The following UBAC2 variants were observed in gnomAD, a reference collection of about 807,000 sequenced individuals.
The protein encoded by UBAC2 is UBA domain containing 2, also known as ubiquitin-associated domain-containing protein 2.
A neutral mutation model predicts 44.0 loss-of-function variants in UBAC2; 26 were observed. The ratio of observed to expected loss-of-function variants is 0.59; its 90% CI spans 0.43 to 0.82. The LOEUF is 0.82. UBAC2 is among the 40% of genes least tolerant of loss of function. The pLI, the probability that UBAC2 is intolerant of heterozygous loss-of-function variation, is 0.00. For missense variants in UBAC2, 329 were observed against 419.4 expected, an observed-to-expected ratio of 0.78 and a Z score of 1.88; for synonymous variants, 155 against 154.3, an observed-to-expected ratio of 1.00 and a Z score of -0.04.
At chr13:99,273,460 T>G in intron 4 of UBAC2, among the ~76,000 whole-genome samples, 1 of 152,128 alleles carries the variant, frequency 6.6e-6, no homozygotes, top group East Asian at 1.9e-4. Flanking sequence ...TCTCAGAAAT[T>G]AGCAGTATTG....
intron 7 of UBAC2, among the ~76,000 whole-genome samples, chr13:99,358,659 GAACT>G (rs1457729047): frequency 6.6e-6 from 1 of 152,180 alleles, no homozygotes; most frequent in Non-Finnish European, 1.5e-5. Context: ...TGTATCTTAG[GAACT>G]AACTCTGGAG....
chr13:99,333,993 G>T (rs1426477563), intron 6 of UBAC2, among the ~76,000 whole-genome samples: 4 of 152,128 alleles, frequency 2.6e-5, no homozygotes. Flanking sequence ...CCGTCACCCA[G>T]GCTGGATGCA....
At chr13:99,286,368 T>TTG (rs1566485579) in intron 4 of UBAC2, among the ~76,000 whole-genome samples, 1 of 152,204 alleles carries the variant, frequency 6.6e-6, no homozygotes, top group Non-Finnish European at 1.5e-5. Flanking sequence ...TCAAAGAACA[T>TTG]TGTGTGTGTG....
At chr13:99,253,901 G>C (rs1253247527) in intron 4 of UBAC2, among the ~76,000 whole-genome samples, 2 of 152,204 alleles carry the variant, frequency 1.3e-5, no homozygotes, top group Non-Finnish European at 2.9e-5. Context: ...TAATTTAGCA[G>C]AGAGGAAGTT....
chr13:99,259,899 G>T (rs1457333271), intron 4 of UBAC2, among the ~76,000 whole-genome samples: 1 of 152,222 alleles, frequency 6.6e-6, no homozygotes, highest in Non-Finnish European at 1.5e-5. Context: ...GGGCATTCTT[G>T]TTTCTGAATT....
At chr13:99,378,263 A>C (rs906674557) in intron 8 of UBAC2, among the ~76,000 whole-genome samples, 5 of 152,248 alleles carry the variant, frequency 3.3e-5, no homozygotes, top group African/African-American at 1.2e-4. Flanking sequence ...TCAGTGGCTC[A>C]TGCCTGTAAT....
chr13:99,269,056 G>A (rs905604743), intron 4 of UBAC2, among the ~76,000 whole-genome samples: 4 of 152,286 alleles, frequency 2.6e-5, no homozygotes, highest in Middle Eastern at 3.4e-3. Context: ...GGCATAAGGA[G>A]TAACTTTGCA....
At chr13:99,361,302 A>G (rs992003442) in intron 7 of UBAC2, among the ~76,000 whole-genome samples, 1 of 152,226 alleles carries the variant, frequency 6.6e-6, no homozygotes, top group Admixed American at 6.5e-5. Flanking sequence ...GACAAAGTAA[A>G]GGAAACATTT....
chr13:99,314,582 A>G lies in UBAC2; in HGVS notation c.513+362A>G, dbSNP rs191656169. On this transcript the variant is annotated intron_variant, in intron 5 of 8. Transcript: ENST00000403766. Reference sequence around the variant, plus strand: ...AGTAGAAAGTAGAAAATCAGTGTCAAAATTAATTTATTGAATACAGTGTCG... The same window carrying G: ...AGTAGAAAGTAGAAAATCAGTGTCAGAATTAATTTATTGAATACAGTGTCG... The G allele has an allele frequency of 1.8e-5, 3 of 163,846 alleles. No individual in the cohort carries two copies. In the Admixed American group the frequency reaches 1.9e-4, roughly 10 times the overall value. 10.1% of individuals were successfully genotyped at this position (163,846 alleles called of 1,614,324 possible). A position where few individuals can be genotyped will look rare whatever the true frequency, so the allele number is the denominator to read the frequency against.
intron 1 of UBAC2, among the ~76,000 whole-genome samples, chr13:99,215,947 T>C (rs1255082937): frequency 6.6e-6 from 1 of 152,236 alleles, no homozygotes; most frequent in Non-Finnish European, 1.5e-5. Context: ...TAAAGGCTAT[T>C]TTCCTATTGT....
chr13:99,242,736 C>G (rs1347492261), intron 2 of UBAC2, among the ~76,000 whole-genome samples: 3 of 148,592 alleles, frequency 2.0e-5, no homozygotes, highest in Admixed American at 6.7e-5. Flanking sequence ...CGGGGCTGAC[C>G]CCCACCTCTC....
chr13:99,232,001 A>G (rs974781035), intron 1 of UBAC2, among the ~76,000 whole-genome samples: 1 of 152,190 alleles, frequency 6.6e-6, no homozygotes, highest in Non-Finnish European at 1.5e-5. Flanking sequence ...GTCTGTGCCT[A>G]TCAGAGCTAT....
chr13:99,347,360 A>G (rs1006245763), intron 7 of UBAC2, among the ~76,000 whole-genome samples: 5 of 124,314 alleles, frequency 4.0e-5, no homozygotes, highest in Non-Finnish European at 6.6e-5. Context: ...AGTGAAGATG[A>G]TACTGGAAGA....
Position 99,244,579 on chromosome 13 carries a change from A to G in UBAC2, c.344A>G (p.Gln115Arg), listed in dbSNP as rs749376030. Reference protein sequence around the residue: ...LFDFLLIEAMQYFFGITAASN... With the variant: ...LFDFLLIEAMRYFFGITAASN... ...GACTTTCTCCTCATTGAAGCTATGC[A>G]GTATTTCTTTGGCATCACTGCAGCT... Residue 115 changes from glutamine (Q) to arginine (R), a missense_variant, in exon 4 of 9, where the codon CAG (glutamine) becomes CGG (arginine). Gln to Arg is a conservative substitution (Grantham distance 43). Transcript: ENST00000403766. 12 of 1,613,316 alleles carry G rather than the reference A, an allele frequency of 7.4e-6. No individual in the cohort carries two copies. In the South Asian group the frequency reaches 7.7e-5, roughly 10 times the overall value.
chr13:99,336,679 G>A (rs191818626), intron 6 of UBAC2, among the ~76,000 whole-genome samples: 3 of 152,224 alleles, frequency 2.0e-5, no homozygotes, highest in Admixed American at 2.0e-4. Flanking sequence ...CACTGTTTTA[G>A]GTAGCCAAAC....
At chr13:99,217,517 CCTTA>C (rs939262320) in intron 1 of UBAC2, among the ~76,000 whole-genome samples, 2 of 152,194 alleles carry the variant, frequency 1.3e-5, no homozygotes, top group South Asian at 2.1e-4. Context: ...GCTCGGGCAG[CCTTA>C]CTTGTCACCC....
At chr13:99,367,213 C>T (rs1465864781) in intron 7 of UBAC2, among the ~76,000 whole-genome samples, 1 of 152,182 alleles carries the variant, frequency 6.6e-6, no homozygotes, top group African/African-American at 2.4e-5. Context: ...TGCTGTTTGT[C>T]AGATTTCCCT....
rs529554748 is a variant in UBAC2, at chr13:99,323,836, G to A, written c.561+5767G>A. 4.6e-5 allele frequency among the ~76,000 whole-genome samples: 7 copies of A among 152,308 alleles called. No homozygotes were observed. In the East Asian group the frequency reaches 9.6e-4, roughly 21 times the overall value. ...TCTTAGGCCATTGTTAACACAGGGA[G>A]GTAGCGACCAGTTGACGTGTGATTT... is the stretch of plus-strand genomic sequence containing the variant. On this transcript the variant is annotated intron_variant, in intron 6 of 8. Coordinates refer to ENST00000403766, the MANE Select transcript of UBAC2 (RefSeq NM_001144072.2).
In UBAC2 at chr13:99,351,046, G is replaced by A. The variant is rs138773615; in HGVS notation, c.807+10481G>A. 9.2e-5 allele frequency among the ~76,000 whole-genome samples: 14 copies of A among 152,170 alleles called. 1 individual carries two copies. The highest frequency in any genetic ancestry group is 7.7e-4 in the East Asian group (4 of 5,198). On this transcript the variant is annotated intron_variant, in intron 7 of 8. Coordinates refer to ENST00000403766, the MANE Select transcript of UBAC2 (RefSeq NM_001144072.2). Reference sequence around the variant, plus strand: ...AGCCATGCTCACAATAGAAAGCAGCGTAATATAATGAAAAGAACAAGAATG... The same window carrying A: ...AGCCATGCTCACAATAGAAAGCAGCATAATATAATGAAAAGAACAAGAATG...
Sources: gnomAD v4.1 joint callset for allele counts (sites outside exome capture counted in the v4.1 genomes callset) on GRCh38, gnomAD v4.1.1 for gene constraint, MANE v1.5 for transcripts, NCBI Gene and HGNC (gene_info 2026-07-23, HGNC 2026-07-21) for gene names.